Variants in SLC39A6 observed in about 807,000 individuals in gnomAD.
The protein encoded by SLC39A6 is solute carrier family 39 member 6.
Under a neutral mutation model 63.5 loss-of-function variants are expected in SLC39A6, and 51 were observed. The observed-to-expected ratio is 0.80, with a 90% CI of 0.64 to 1.01. The LOEUF is 1.01. Among genes scored for constraint, SLC39A6 ranks in the 50% least tolerant of loss-of-function variants. The pLI, the probability that SLC39A6 is intolerant of heterozygous loss-of-function variation, is 0.00. For missense variants in SLC39A6, 805 were observed against 927.8 expected (o/e 0.87, Z 1.72); for synonymous variants, 318 against 324.7 (o/e 0.98, Z 0.22).
chr18:36,115,229 C>G (rs1432814858), intron 6 of SLC39A6, among the ~76,000 whole-genome samples: 1 of 152,098 alleles, frequency 6.6e-6, no homozygotes, highest in Non-Finnish European at 1.5e-5. Flanking sequence ...ATCACAACGT[C>G]AGGGGATCGA....
Position 36,123,554 on chromosome 18 carries a change from G to A in SLC39A6, c.1081C>T (p.Leu361Phe), listed in dbSNP as rs2089411389. The change falls in exon 4 of 10, where the codon CTT becomes TTT. Residue 361 changes from leucine (L) to phenylalanine (F), a missense_variant. Leu to Phe is a conservative substitution (Grantham distance 22). This residue lies in a region of SLC39A6 where 639 missense variants were observed against 644.0 expected (regional missense o/e 0.99). Transcript: ENST00000269187. ...RVFFKFLLSFLVALAVGTLSG... is the reference protein window; with the variant it reads ...RVFFKFLLSFFVALAVGTLSG... ...AAAGTCCCAACGGCCAGTGCCACAAGGAAACTCAGGAGAAATTTGAAAAAC... is the reference window on the plus strand; with the variant it reads ...AAAGTCCCAACGGCCAGTGCCACAAAGAAACTCAGGAGAAATTTGAAAAAC... 2 of 1,613,002 alleles carry A rather than the reference G, an allele frequency of 1.2e-6. No homozygotes were observed. Among genetic ancestry groups the A allele is most frequent in the Admixed American group, 1.7e-5 (1 of 59,802 alleles).
chr18:36,126,914 T>C lies in SLC39A6; in HGVS notation c.94A>G (p.Thr32Ala). ...CAATTCGGACTAATTTTCTCAGTGG[T>C]CTGGGGGAAAGCAGCTGCTTTTAGT... ...HELKAAAFPQ[T>A]TEKISPNWES... Residue 32 changes from threonine (T) to alanine (A), a missense_variant, in exon 2 of 10, where the codon ACC becomes GCC. Thr to Ala is a moderately conservative substitution (Grantham distance 58). Coordinates refer to ENST00000269187, the MANE Select transcript of SLC39A6 (RefSeq NM_012319.4). 2 of 1,614,144 alleles carry C rather than the reference T, an allele frequency of 1.2e-6. No homozygotes were observed. The highest frequency in any genetic ancestry group is 2.2e-5 in the East Asian group (1 of 44,886).
chr18:36,116,827 A>G, intron 5 of SLC39A6, 48 bp from the exon 6 acceptor site: 1 of 1,345,766 alleles, frequency 7.4e-7, no homozygotes, highest in Non-Finnish European at 1.1e-6. Context: ...ATTTGTTTAT[A>G]TGTACAGCTT....
Position 36,112,486 on chromosome 18 carries a change from A to G in SLC39A6, c.1924+15T>C. 1 of 1,596,662 alleles carries G rather than the reference A, an allele frequency of 6.3e-7. No individual in the cohort carries two copies. Among genetic ancestry groups the G allele is most frequent in the Non-Finnish European group, 8.6e-7 (1 of 1,165,654 alleles). The stretch of plus-strand genomic sequence containing the variant: ...TTCACCCACTTGGCAAATACAATTT[A>G]TGTGGTTCTCTTACCTAATTCATGA... On this transcript the variant is annotated intron_variant, in intron 8 of 9. Transcript: ENST00000269187.
chr18:36,119,410 T>C (rs79590459), intron 5 of SLC39A6, among the ~76,000 whole-genome samples: 2,173 of 152,236 alleles, frequency 0.014, 51 homozygotes, highest in African/African-American at 0.05. Flanking sequence ...ATTCTACACA[T>C]TGGAGACAGA....
chr18:36,114,872 A>AGAAAT (rs1416298445), intron 6 of SLC39A6, among the ~76,000 whole-genome samples: 1 of 152,250 alleles, frequency 6.6e-6, no homozygotes, highest in Non-Finnish European at 1.5e-5. Flanking sequence ...AATGAAAATT[A>AGAAAT]GAAATAAAAA....
chr18:36,124,763 C>CA, intron 2 of SLC39A6, 63 bp from the exon 3 acceptor site: 1 of 1,225,206 alleles, frequency 8.2e-7, no homozygotes, highest in Non-Finnish European at 1.1e-6. Flanking sequence ...TCTGATGACA[C>CA]AATACCCTTT....
At chr18:36,127,649 T>C (rs746361486) in intron 1 of SLC39A6, among the ~76,000 whole-genome samples, 1 of 152,196 alleles carries the variant, frequency 6.6e-6, no homozygotes, top group Non-Finnish European at 1.5e-5. Context: ...ACACTCTCCT[T>C]ACATACAAGC....
intron 8 of SLC39A6, 81 bp from the exon 9 acceptor site, chr18:36,111,330 A>C: frequency 7.1e-7 from 1 of 1,416,786 alleles, no homozygotes; most frequent in Non-Finnish European, 9.6e-7. Context: ...TCCCAGATTT[A>C]AGAAAATTTT....
At chr18:36,118,828 G>A (rs2144505163) in intron 5 of SLC39A6, among the ~76,000 whole-genome samples, 1 of 152,294 alleles carries the variant, frequency 6.6e-6, no homozygotes, top group East Asian at 1.9e-4. Flanking sequence ...ACGTGGACAG[G>A]CTCCTATTAG....
rs767726844 is a variant in SLC39A6 at position 36,109,577 on chromosome 18, A to G, written c.*16T>C. 6.3e-7 allele frequency: 1 copy of G among 1,591,794 alleles called. No individual in the cohort carries two copies. Among genetic ancestry groups the G allele is most frequent in the Non-Finnish European group, 8.6e-7 (1 of 1,162,060 alleles). ...CTATGACAACTTTTTAAGCTACTCT[A>G]GCATTTAAACCTTAACTAGAAATTT... On this transcript the variant is annotated 3_prime_UTR_variant, in exon 10 of 10. Transcript: ENST00000269187.
rs559378716 is a variant in SLC39A6, at chr18:36,116,310, G to C, written c.1465+364C>G. On this transcript the variant is annotated intron_variant, in intron 6 of 9. Coordinates refer to ENST00000269187, the MANE Select transcript of SLC39A6 (RefSeq NM_012319.4). ...TACTCTCAAATGGTTTAGAAAAAAAGTGTGTGTAGCTGGCCCTTTAGTCAC... is the reference window on the plus strand; with the variant it reads ...TACTCTCAAATGGTTTAGAAAAAAACTGTGTGTAGCTGGCCCTTTAGTCAC... 3.2e-4 allele frequency among the ~76,000 whole-genome samples: 48 copies of C among 152,286 alleles called. 1 individual carries two copies. The South Asian group carries it at 9.1e-3, about 29-fold the overall frequency.
chr18:36,126,352 C>T lies in SLC39A6; in HGVS notation c.656G>A (p.Ser219Asn). ...RPGKLFPKDV[S>N]SSTPPSVTSK... ...TGTGACACTGGGTGGAGTGGAGCTG[C>T]TTACATCTTTGGGGAAGAGTTTTCC... The change falls in exon 2 of 10, where the codon AGC becomes AAC. Residue 219 changes from serine to asparagine, a missense_variant. Physicochemically the swap from Ser to Asn is conservative, Grantham distance 46. Transcript: ENST00000269187. The T allele has an allele frequency of 6.2e-7, 1 of 1,614,238 alleles. No individual in the cohort carries two copies. Among genetic ancestry groups the T allele is most frequent in the East Asian group, 2.2e-5 (1 of 44,892 alleles).
rs1315410604 is a variant in SLC39A6, at chr18:36,126,346, G to C, written c.662C>G (p.Ser221Cys). ...GKLFPKDVSS[S>C]TPPSVTSKSR... is the part of the protein sequence containing the mutation. ...CTTTGATGTGACACTGGGTGGAGTGGAGCTGCTTACATCTTTGGGGAAGAG... is the reference window on the plus strand; with the variant it reads ...CTTTGATGTGACACTGGGTGGAGTGCAGCTGCTTACATCTTTGGGGAAGAG... Residue 221 changes from serine to cysteine, a missense_variant, in exon 2 of 10, where the codon TCC becomes TGC. Transcript: ENST00000269187. 2.5e-6 allele frequency: 4 copies of C among 1,614,234 alleles called. No homozygotes were observed. The highest frequency in any genetic ancestry group is 3.4e-6 in the Non-Finnish European group (4 of 1,180,032).
Position 36,109,492 on chromosome 18 carries a change from A to G in SLC39A6, c.*101T>C, listed in dbSNP as rs2089283887. On this transcript the variant is annotated 3_prime_UTR_variant, in exon 10 of 10. Transcript: ENST00000269187. ...ATTCAATACAAAAATCACAAAACCCACTAACTTTAAACGCTGCATAGTACA... is the reference window on the plus strand; with the variant it reads ...ATTCAATACAAAAATCACAAAACCCGCTAACTTTAAACGCTGCATAGTACA... The G allele has an allele frequency of 1.2e-6, 1 of 850,798 alleles. No individual in the cohort carries two copies. The highest frequency in any genetic ancestry group is 1.8e-6 in the Non-Finnish European group (1 of 563,854). The allele number at this position is 850,798 out of a possible 1,614,324, so 52.7% of individuals were successfully genotyped here. A position where few individuals can be genotyped will look rare whatever the true frequency, so the allele number is the denominator to read the frequency against.
In SLC39A6 at chr18:36,111,188, T is replaced by A. The variant is rs1262329681; in HGVS notation, c.1986A>T (p.Ala662=). The change falls in exon 9 of 10, where the codon GCA becomes GCT. Residue 662 remains alanine (A), a synonymous_variant. Transcript: ENST00000269187. The part of the protein sequence containing the change: ...MTVKQAVLYN[A]LSAMLAYLGM... The stretch of plus-strand genomic sequence containing the variant: ...CAAGATACGCCAGCATGGCTGACAA[T>A]GCATTATAAAGGACAGCCTGCTTAA... 6.2e-7 allele frequency: 1 copy of A among 1,614,104 alleles called. No individual in the cohort carries two copies. The highest frequency in any genetic ancestry group is 1.7e-5 in the Admixed American group (1 of 60,024).
intron 6 of SLC39A6, among the ~76,000 whole-genome samples, chr18:36,116,181 A>G (rs1430258005): frequency 6.6e-6 from 1 of 152,226 alleles, no homozygotes; most frequent in Non-Finnish European, 1.5e-5. Flanking sequence ...CTGTATCAGT[A>G]TAAATTTCCT....
chr18:36,110,343 G>A (rs915690294), intron 9 of SLC39A6, among the ~76,000 whole-genome samples: 1 of 149,710 alleles, frequency 6.7e-6, no homozygotes, highest in African/African-American at 2.5e-5. Context: ...CCTGATTACT[G>A]AGATCATACC....
intron 9 of SLC39A6, among the ~76,000 whole-genome samples, chr18:36,110,546 AT>A (rs111915530): frequency 4.7e-5 from 7 of 147,464 alleles, no homozygotes; most frequent in South Asian, 4.4e-4. Flanking sequence ...TAAAAAAATG[AT>A]TTTTTTTTTG....
Sources: gnomAD v4.1 joint callset for allele counts (sites outside exome capture counted in the v4.1 genomes callset) on GRCh38, gnomAD v4.1.1 for gene constraint, gnomAD v4.1.1 regional missense constraint, MANE v1.5 for transcripts, NCBI Gene and HGNC (gene_info 2026-07-23, HGNC 2026-07-21) for gene names.